The following NUDCD3 variants were observed in gnomAD, a reference collection of about 807,000 sequenced individuals.
NUDCD3 encodes the protein NudC domain containing 3, also known as nudC domain-containing protein 3.
In NUDCD3, 13 loss-of-function variants were observed where a neutral mutation model predicts 39.7. The observed-to-expected ratio is 0.33, with a 90% CI of 0.21 to 0.52. The LOEUF is 0.52. Among genes scored for constraint, NUDCD3 ranks in the 20% least tolerant of loss-of-function variants. The pLI is 0.96. For synonymous variants in NUDCD3, 175 were observed against 172.4 expected (o/e 1.02, Z -0.12); for missense variants, 453 against 458.1 (o/e 0.99, Z 0.10).
chr7:44,473,697 TA>T (rs1268051002), intron 2 of NUDCD3, among the ~76,000 whole-genome samples: 13 of 152,334 alleles, frequency 8.5e-5, no homozygotes, highest in African/African-American at 3.1e-4. Context: ...TTCTATTACA[TA>T]CTCTCCTAAC....
At chr7:44,410,852 A>T (rs1798909994) in intron 3 of NUDCD3, among the ~76,000 whole-genome samples, 1 of 152,026 alleles carries the variant, frequency 6.6e-6, no homozygotes, top group Non-Finnish European at 1.5e-5. Flanking sequence ...CTGTAGTTCC[A>T]GCTACTCGGG....
At chr7:44,476,204 G>T (rs555876323) in intron 2 of NUDCD3, among the ~76,000 whole-genome samples, 2 of 152,148 alleles carry the variant, frequency 1.3e-5, no homozygotes, top group Non-Finnish European at 2.9e-5. Flanking sequence ...GCCTACACAC[G>T]GAAAGAAGTC....
At chr7:44,478,408 C>A (rs890516965) in intron 2 of NUDCD3, among the ~76,000 whole-genome samples, 2 of 152,132 alleles carry the variant, frequency 1.3e-5, no homozygotes, top group African/African-American at 4.8e-5. Flanking sequence ...CAAAAATTAG[C>A]CAGGCATGGT....
chr7:44,462,442 T>C (rs1364762036), intron 2 of NUDCD3, among the ~76,000 whole-genome samples: 1 of 152,216 alleles, frequency 6.6e-6, no homozygotes, highest in African/African-American at 2.4e-5. Context: ...AATCCCCTAA[T>C]GACCACATGT....
chr7:44,475,284 G>T (rs1179002453), intron 2 of NUDCD3, among the ~76,000 whole-genome samples: 1 of 151,792 alleles, frequency 6.6e-6, no homozygotes, highest in Non-Finnish European at 1.5e-5. Context: ...GCTAATTTTT[G>T]TATTTTTAGT....
chr7:44,436,155 G>A (rs1799459761), intron 2 of NUDCD3, among the ~76,000 whole-genome samples: 1 of 152,106 alleles, frequency 6.6e-6, no homozygotes, highest in African/African-American at 2.4e-5. Context: ...TATAGACTGG[G>A]TATTAGATGA....
intron 2 of NUDCD3, among the ~76,000 whole-genome samples, chr7:44,449,003 A>G (rs904430911): frequency 3.3e-5 from 5 of 152,218 alleles, no homozygotes; most frequent in African/African-American, 1.2e-4. Flanking sequence ...CATTAGGACA[A>G]CTAAACTCCA....
intron 1 of NUDCD3, 77 bp downstream of exon 1, chr7:44,490,332 G>C: frequency 7.4e-7 from 1 of 1,344,666 alleles, no homozygotes. Context: ...GGCTGGGAGA[G>C]CTTGGAGGAG....
chr7:44,417,432 G>C (rs1483945399), intron 3 of NUDCD3, among the ~76,000 whole-genome samples: 3 of 152,208 alleles, frequency 2.0e-5, no homozygotes, highest in African/African-American at 7.2e-5. Context: ...GGTGAAAGCT[G>C]TTAGCTAACC....
chr7:44,424,820 C>T lies in NUDCD3; in HGVS notation c.642+2751G>A, dbSNP rs961638877. On this transcript the variant is annotated intron_variant, in intron 3 of 5. Transcript: ENST00000355451. ...TATACCCAAAGGATTATAAATCATT[C>T]TACTATAAAGATACATGCACATGTA... is the stretch of plus-strand genomic sequence containing the variant. Among the ~76,000 whole-genome samples, 17 of 152,132 alleles carry T rather than the reference C, an allele frequency of 1.1e-4. 1 individual carries two copies. Among genetic ancestry groups the T allele is most frequent in the Admixed American group, 1.0e-3 (16 of 15,264 alleles).
chr7:44,475,110 TTC>T (rs1800337374), intron 2 of NUDCD3, among the ~76,000 whole-genome samples: 2 of 148,808 alleles, frequency 1.3e-5, no homozygotes, highest in East Asian at 1.9e-4. Flanking sequence ...ACAAATTCAT[TTC>T]TTTTTTTTTT....
chr7:44,467,125 T>C (rs1359304058), intron 2 of NUDCD3, among the ~76,000 whole-genome samples: 3 of 152,164 alleles, frequency 2.0e-5, no homozygotes, highest in Non-Finnish European at 4.4e-5. Flanking sequence ...CAGAGTGTGC[T>C]GCTATTACAG....
intron 2 of NUDCD3, among the ~76,000 whole-genome samples, chr7:44,430,123 AG>A (rs1262645437): frequency 6.6e-6 from 1 of 152,214 alleles, no homozygotes; most frequent in African/African-American, 2.4e-5. Context: ...CTTTGTACCT[AG>A]GTATTATCCA....
At position 44,386,005 on chromosome 7, in the gene NUDCD3, TG is replaced by T; in HGVS notation, c.*5del. The T allele has an allele frequency of 7.1e-7, 1 of 1,404,446 alleles. No homozygotes were observed. The highest frequency in any genetic ancestry group is 1.0e-6 in the Non-Finnish European group (1 of 988,748). 87.0% of individuals were successfully genotyped at this position (1,404,446 alleles called of 1,614,324 possible). On this transcript the variant is annotated 3_prime_UTR_variant, in exon 6 of 6. Coordinates refer to ENST00000355451, the MANE Select transcript of NUDCD3 (RefSeq NM_015332.4). ...CACCGGCGAGGGTTTCCTTTCCTTC[TG>T]GTCATTAAAACTGCACAGCCCCCGG...
chr7:44,434,784 C>A (rs942247792), intron 2 of NUDCD3, among the ~76,000 whole-genome samples: 4 of 152,222 alleles, frequency 2.6e-5, no homozygotes, highest in African/African-American at 9.6e-5. Context: ...CCAGCTTCCC[C>A]GCACAGCAAC....
intron 5 of NUDCD3, among the ~76,000 whole-genome samples, chr7:44,387,693 C>T (rs9648537): frequency 6.6e-6 from 1 of 152,046 alleles, no homozygotes; most frequent in Non-Finnish European, 1.5e-5. Flanking sequence ...CATGGGGGCC[C>T]GATGTAGGAT....
chr7:44,469,539 G>A (rs1800209085), intron 2 of NUDCD3, among the ~76,000 whole-genome samples: 1 of 152,160 alleles, frequency 6.6e-6, no homozygotes, highest in Non-Finnish European at 1.5e-5. Context: ...AAGGTATGCT[G>A]AGAAACAAGA....
At chr7:44,403,602 A>G (rs1421390987) in intron 4 of NUDCD3, among the ~76,000 whole-genome samples, 1 of 152,200 alleles carries the variant, frequency 6.6e-6, no homozygotes, top group Non-Finnish European at 1.5e-5. Context: ...AGCCTGAGAG[A>G]TAGTTTGTCC....
At chr7:44,420,190 C>T (rs1474262420) in intron 3 of NUDCD3, among the ~76,000 whole-genome samples, 1 of 151,938 alleles carries the variant, frequency 6.6e-6, no homozygotes, top group African/African-American at 2.4e-5. Flanking sequence ...AGGATGAGAA[C>T]TTCGTGAAGC....
Sources: allele counts gnomAD v4.1 joint callset (sites outside exome capture counted in the v4.1 genomes callset), GRCh38; gene constraint gnomAD v4.1.1; transcripts MANE v1.5; gene names NCBI Gene and HGNC (gene_info 2026-07-23, HGNC 2026-07-21).